The following RALYL variants were observed in gnomAD, a reference collection of about 807,000 sequenced individuals.
RALYL encodes RNA-binding Raly-like protein.
RALYL carries 29 observed loss-of-function variants against 35.1 expected under a neutral mutation model. That is an observed-to-expected ratio of 0.83 (90% CI 0.61 to 1.13). The LOEUF (loss-of-function observed/expected upper bound fraction) is 1.13, where lower values mean the gene tolerates loss of function less well. RALYL is among the 50% of genes most tolerant of loss of function. The pLI is 0.00. For synonymous variants in RALYL, 120 were observed against 127.6 expected, an observed-to-expected ratio of 0.94 and a Z score of 0.40; for missense variants, 359 against 360.4, an observed-to-expected ratio of 1.00 and a Z score of 0.03.
At chr8:84,256,690 A>C (rs970306367) in intron 1 of RALYL, among the ~76,000 whole-genome samples, 16 of 152,214 alleles carry the variant, frequency 1.1e-4, no homozygotes, top group Non-Finnish European at 1.5e-4. Flanking sequence ...TTTGTGTCTC[A>C]ATTCACTTTT....
chr8:84,549,145 C>T lies in RALYL; in HGVS notation c.256+19568C>T, dbSNP rs145314992. Among the ~76,000 whole-genome samples, 441 of 152,200 alleles carry T rather than the reference C, an allele frequency of 2.9e-3. 1 individual carries two copies. Among genetic ancestry groups the T allele is most frequent in the African/African-American group, 5.3e-3 (219 of 41,548 alleles). ...CAGCTATGCTATGTAGACCTTGCAG[C>T]GGGTAATAATTTCTCTCCATGTGCT... On this transcript the variant is annotated intron_variant, in intron 2 of 8. Transcript: ENST00000521268.
chr8:84,810,766 G>C (rs921738396), intron 4 of RALYL, among the ~76,000 whole-genome samples: 16 of 152,096 alleles, frequency 1.1e-4, no homozygotes, highest in Non-Finnish European at 2.2e-4. Context: ...TTTAACTGCT[G>C]TTACTTTAAA....
chr8:84,848,156 T>C (rs1835040644), intron 4 of RALYL, among the ~76,000 whole-genome samples: 1 of 152,144 alleles, frequency 6.6e-6, no homozygotes, highest in Non-Finnish European at 1.5e-5. Context: ...TCTAGGTATA[T>C]ACCTAAAAGA....
At chr8:84,387,701 G>C (rs16912780) in intron 1 of RALYL, among the ~76,000 whole-genome samples, 9 of 151,650 alleles carry the variant, frequency 5.9e-5, no homozygotes, top group Admixed American at 5.9e-4. Context: ...GGACATATTC[G>C]CTTTAGCTAC....
At chr8:84,494,773 C>T (rs1265648589) in intron 1 of RALYL, among the ~76,000 whole-genome samples, 1 of 152,070 alleles carries the variant, frequency 6.6e-6, no homozygotes, top group Non-Finnish European at 1.5e-5. Flanking sequence ...GCTGAAGTTG[C>T]TTATCAGCTT....
intron 3 of RALYL, among the ~76,000 whole-genome samples, chr8:84,780,180 C>A (rs572826684): frequency 2.6e-5 from 4 of 152,072 alleles, no homozygotes; most frequent in Non-Finnish European, 4.4e-5. Context: ...TGGTTCCACT[C>A]AAACTACAGT....
chr8:84,423,460 T>G (rs1480465705), intron 1 of RALYL, among the ~76,000 whole-genome samples: 4,772 of 151,004 alleles, frequency 0.032, 260 homozygotes, highest in African/African-American at 0.11. Flanking sequence ...CATGAGATGG[T>G]TTTCCTGAAT....
intron 2 of RALYL, among the ~76,000 whole-genome samples, chr8:84,562,208 C>T (rs2135599599): frequency 6.6e-6 from 1 of 152,028 alleles, no homozygotes; most frequent in South Asian, 2.1e-4. Flanking sequence ...TATCATGTAA[C>T]CTCATCCCTG....
chr8:84,413,430 C>T (rs2044297889), intron 1 of RALYL, among the ~76,000 whole-genome samples: 1 of 151,666 alleles, frequency 6.6e-6, no homozygotes, highest in Non-Finnish European at 1.5e-5. Flanking sequence ...AAAAATCCCT[C>T]TTGTTATTAG....
chr8:84,226,505 C>T (rs1010885076), intron 1 of RALYL, among the ~76,000 whole-genome samples: 6 of 152,080 alleles, frequency 3.9e-5, no homozygotes, highest in Admixed American at 6.5e-5. Context: ...CTCCTGGATT[C>T]GAGTGATTCT....
intron 1 of RALYL, among the ~76,000 whole-genome samples, chr8:84,371,539 T>A (rs1855689261): frequency 6.9e-6 from 1 of 144,072 alleles, no homozygotes; most frequent in African/African-American, 2.6e-5. Flanking sequence ...TTTATGATTA[T>A]CACACACACA....
At chr8:84,525,002 C>T (rs570466997) in intron 1 of RALYL, among the ~76,000 whole-genome samples, 27 of 88,974 alleles carry the variant, frequency 3.0e-4, no homozygotes, top group Middle Eastern at 6.0e-3. Context: ...GTTAGCCTTT[C>T]GGGGTAGAGC....
At chr8:84,842,468 A>G (rs1464050539) in intron 4 of RALYL, among the ~76,000 whole-genome samples, 4 of 152,216 alleles carry the variant, frequency 2.6e-5, no homozygotes, top group Admixed American at 6.5e-5. Flanking sequence ...AAATTGAGGC[A>G]ATAATTAATA....
At chr8:84,812,376 G>A (rs1004609127) in intron 4 of RALYL, among the ~76,000 whole-genome samples, 1 of 152,110 alleles carries the variant, frequency 6.6e-6, no homozygotes, top group Admixed American at 6.5e-5. Flanking sequence ...CAGCTTTGGT[G>A]GTTTAATGCT....
intron 1 of RALYL, among the ~76,000 whole-genome samples, chr8:84,342,013 T>C (rs1322545055): frequency 6.6e-6 from 1 of 151,744 alleles, no homozygotes; most frequent in African/African-American, 2.4e-5. Context: ...TTAGATGCAT[T>C]ATTATCATTT....
chr8:84,300,534 G>C (rs76058040), intron 1 of RALYL, among the ~76,000 whole-genome samples: 4,115 of 152,032 alleles, frequency 0.027, 102 homozygotes, highest in Non-Finnish European at 0.031. Context: ...ACTGTTAGTA[G>C]GGTGTTGAAC....
At chr8:84,876,560 G>T (rs1298177779) in intron 7 of RALYL, among the ~76,000 whole-genome samples, 1 of 114,752 alleles carries the variant, frequency 8.7e-6, no homozygotes, top group Admixed American at 8.1e-5. Context: ...AAAAGCACAA[G>T]AAGGAAAAGT....
intron 1 of RALYL, among the ~76,000 whole-genome samples, chr8:84,210,780 C>T (rs1020436868): frequency 1.4e-4 from 22 of 152,054 alleles, no homozygotes; most frequent in Admixed American, 6.6e-5. Context: ...CATGCTTGTA[C>T]AAGAGGCAAA....
At chr8:84,608,630 C>A (rs891654697) in intron 2 of RALYL, among the ~76,000 whole-genome samples, 2 of 152,124 alleles carry the variant, frequency 1.3e-5, no homozygotes, top group Non-Finnish European at 2.9e-5. Flanking sequence ...GAAAATGAAT[C>A]TTTTAAACTA....
Sources: gnomAD v4.1 joint callset for allele counts (sites outside exome capture counted in the v4.1 genomes callset) on GRCh38, gnomAD v4.1.1 for gene constraint, MANE v1.5 for transcripts, NCBI Gene and HGNC (gene_info 2026-07-23, HGNC 2026-07-21) for gene names.